Variants in ROBO2 observed in about 807,000 individuals in gnomAD.
ROBO2 encodes roundabout guidance receptor 2.
ROBO2 carries 53 observed loss-of-function variants against 160.8 expected under a neutral mutation model. The observed-to-expected ratio is 0.33, with a 90% CI of 0.26 to 0.41. The LOEUF (loss-of-function observed/expected upper bound fraction) is 0.41. Ranked by LOEUF, ROBO2 falls within the 10% of genes least tolerant of loss-of-function variation. The pLI is 1.00. For missense variants in ROBO2, 1,577 were observed against 1,722.4 expected (o/e 0.92, Z 1.49); for synonymous variants, 664 against 611.7 (o/e 1.09, Z -1.26).
At chr3:76,571,257 G>A (rs2084941284) in intron 2 of ROBO2, among the ~76,000 whole-genome samples, 1 of 152,000 alleles carries the variant, frequency 6.6e-6, no homozygotes, top group Admixed American at 6.6e-5. Context: ...TTACTTGTTA[G>A]GAGATAAGAT....
intron 2 of ROBO2, among the ~76,000 whole-genome samples, chr3:76,498,512 T>A (rs1443984039): frequency 6.6e-6 from 1 of 151,860 alleles, no homozygotes; most frequent in Admixed American, 6.6e-5. Flanking sequence ...TTAGCTGTAT[T>A]TAGAAATTAT....
intron 2 of ROBO2, among the ~76,000 whole-genome samples, chr3:76,713,521 G>A (rs1437984409): frequency 6.6e-6 from 1 of 152,034 alleles, no homozygotes; most frequent in East Asian, 1.9e-4. Flanking sequence ...ATTCAAATGA[G>A]TGTCAAATGT....
chr3:76,595,122 G>A (rs904605277), intron 2 of ROBO2, among the ~76,000 whole-genome samples: 13 of 152,018 alleles, frequency 8.6e-5, no homozygotes, highest in South Asian at 2.1e-4. Flanking sequence ...CTGGATTTAT[G>A]GGCACACTGA....
chr3:77,228,438 C>CCT (rs1560289742), intron 2 of ROBO2, among the ~76,000 whole-genome samples: 51 of 151,190 alleles, frequency 3.4e-4, no homozygotes, highest in Middle Eastern at 3.4e-3. Flanking sequence ...CACACACACC[C>CCT]TTTTTTTTTA....
At chr3:77,114,267 T>G (rs1460885507) in intron 2 of ROBO2, among the ~76,000 whole-genome samples, 1 of 152,180 alleles carries the variant, frequency 6.6e-6, no homozygotes, top group Non-Finnish European at 1.5e-5. Flanking sequence ...TTATTCCAGC[T>G]TAGTTCATTG....
At chr3:77,097,032 T>G (rs2071173554) in intron 1 of ROBO2, among the ~76,000 whole-genome samples, 1 of 152,222 alleles carries the variant, frequency 6.6e-6, no homozygotes, top group Admixed American at 6.5e-5. Flanking sequence ...TATCTTTCGA[T>G]TGTACAGACA....
intron 2 of ROBO2, among the ~76,000 whole-genome samples, chr3:76,147,738 T>C (rs1315665930): frequency 6.6e-6 from 1 of 151,808 alleles, no homozygotes; most frequent in East Asian, 1.9e-4. Context: ...CTGAGGAGTT[T>C]TGGGCTGGAG....
At chr3:77,167,848 T>C (rs2079242157) in intron 2 of ROBO2, among the ~76,000 whole-genome samples, 1 of 152,178 alleles carries the variant, frequency 6.6e-6, no homozygotes, top group Admixed American at 6.5e-5. Context: ...CAACTGGACC[T>C]TCTTTTCTAA....
At chr3:76,249,559 T>C (rs1044299058) in intron 2 of ROBO2, among the ~76,000 whole-genome samples, 11 of 152,158 alleles carry the variant, frequency 7.2e-5, no homozygotes, top group Non-Finnish European at 1.6e-4. Flanking sequence ...GCAAAACTTT[T>C]CTGTTGCAAG....
intron 2 of ROBO2, among the ~76,000 whole-genome samples, chr3:76,837,953 C>G (rs2067861657): frequency 6.6e-6 from 1 of 151,932 alleles, no homozygotes; most frequent in Non-Finnish European, 1.5e-5. Flanking sequence ...ATTTTCCCAA[C>G]CTTTATATGC....
At chr3:77,098,698 A>G (rs973053986) in intron 2 of ROBO2, among the ~76,000 whole-genome samples, 1 of 150,260 alleles carries the variant, frequency 6.7e-6, no homozygotes, top group Non-Finnish European at 1.5e-5. Context: ...ATACAAAAAG[A>G]AAAAAAAAAT....
chr3:76,221,727 G>A (rs1225967563), intron 2 of ROBO2, among the ~76,000 whole-genome samples: 1 of 152,160 alleles, frequency 6.6e-6, no homozygotes, highest in South Asian at 2.1e-4. Flanking sequence ...AAGACCGATG[G>A]ACTTCATGAC....
At chr3:77,599,534 T>C in intron 19 of ROBO2, among the ~76,000 whole-genome samples, 1 of 149,808 alleles carries the variant, frequency 6.7e-6, no homozygotes, top group Non-Finnish European at 1.5e-5. Flanking sequence ...CATTAGGAGA[T>C]ATACCTAATG....
rs547108484 is a variant in ROBO2 at position 77,521,658 on chromosome 3, T to A, written c.807-1117T>A. On this transcript the variant is annotated intron_variant, in intron 5 of 25. Coordinates refer to ENST00000461745, the Ensembl canonical transcript of ROBO2. ...GGGTAGTTAAGTTTAGTTGGCATGA[T>A]TGGTAAATAGACAATGCTTTTTCTC... Among the ~76,000 whole-genome samples the A allele has an allele frequency of 2.6e-5, 4 of 151,326 alleles. 1 individual carries two copies. Among genetic ancestry groups the A allele is most frequent in the African/African-American group, 7.2e-5 (3 of 41,436 alleles).
intron 2 of ROBO2, among the ~76,000 whole-genome samples, chr3:77,261,880 A>C (rs1274657754): frequency 7.4e-5 from 11 of 149,054 alleles, no homozygotes; most frequent in African/African-American, 2.7e-4. Context: ...CAATCTTCCC[A>C]CCTTGGCCTC....
intron 2 of ROBO2, among the ~76,000 whole-genome samples, chr3:77,305,525 A>C (rs142209691): frequency 1.9e-3 from 293 of 152,296 alleles, no homozygotes; most frequent in Non-Finnish European, 3.1e-3. Context: ...TGGTGTTGAG[A>C]TATTGTCTGT....
At chr3:76,986,210 A>G (rs1463256909) in intron 2 of ROBO2, among the ~76,000 whole-genome samples, 1 of 152,194 alleles carries the variant, frequency 6.6e-6, no homozygotes, top group Non-Finnish European at 1.5e-5. Flanking sequence ...ATGTCTTGCT[A>G]TATAGTACGC....
intron 2 of ROBO2, among the ~76,000 whole-genome samples, chr3:77,459,862 G>A (rs1005012080): frequency 1.4e-5 from 2 of 146,770 alleles, no homozygotes; most frequent in Non-Finnish European, 3.0e-5. Context: ...TAGATACTAC[G>A]AGATGAGAGG....
chr3:77,283,711 T>A (rs1389460365), intron 2 of ROBO2, among the ~76,000 whole-genome samples: 2 of 151,454 alleles, frequency 1.3e-5, no homozygotes, highest in Non-Finnish European at 3.0e-5. Context: ...TTATTCAATC[T>A]TTTGAATAAA....
Sources: allele counts gnomAD v4.1 joint callset (sites outside exome capture counted in the v4.1 genomes callset), GRCh38; gene constraint gnomAD v4.1.1; transcripts MANE v1.5; gene names NCBI Gene and HGNC (gene_info 2026-07-23, HGNC 2026-07-21).